The following EPC2 variants were observed in gnomAD, a reference collection of about 807,000 sequenced individuals.
EPC2 encodes enhancer of polycomb homolog 2.
In EPC2, 14 loss-of-function variants were observed where a neutral mutation model predicts 92.1. The ratio of observed to expected loss-of-function variants is 0.15; its 90% CI spans 0.10 to 0.24. The LOEUF is 0.24. EPC2 is among the 10% of genes least tolerant of loss of function. EPC2 has a pLI of 1.00. For missense variants in EPC2, 755 were observed against 971.5 expected (o/e 0.78, Z 2.96); for synonymous variants, 340 against 334.7 (o/e 1.02, Z -0.17).
At chr2:148,695,648 A>G (rs1681732302) in intron 2 of EPC2, among the ~76,000 whole-genome samples, 1 of 152,220 alleles carries the variant, frequency 6.6e-6, no homozygotes, top group Non-Finnish European at 1.5e-5. Context: ...CAGGGCAAAC[A>G]TATTTTGATT....
chr2:148,717,836 C>A (rs1256747219), intron 2 of EPC2, among the ~76,000 whole-genome samples: 1 of 152,078 alleles, frequency 6.6e-6, no homozygotes, highest in East Asian at 1.9e-4. Flanking sequence ...CTAATATTGT[C>A]AGTAGGGGTG....
chr2:148,694,816 G>GT (rs1400400147), intron 2 of EPC2, among the ~76,000 whole-genome samples: 3 of 152,324 alleles, frequency 2.0e-5, no homozygotes. Flanking sequence ...CCAGGCTGGA[G>GT]TGCAGTGGTG....
chr2:148,677,064 A>G (rs1251168369), intron 1 of EPC2, among the ~76,000 whole-genome samples: 1 of 152,234 alleles, frequency 6.6e-6, no homozygotes, highest in Admixed American at 6.5e-5. Flanking sequence ...TTCCCCAAAA[A>G]AGACAAACCA....
At chr2:148,732,268 A>G (rs953496333) in intron 2 of EPC2, among the ~76,000 whole-genome samples, 6 of 152,178 alleles carry the variant, frequency 3.9e-5, no homozygotes, top group African/African-American at 1.4e-4. Context: ...GGTCTTGCAC[A>G]GCTCTTAGCT....
chr2:148,755,899 T>C (rs1409324144), intron 4 of EPC2, among the ~76,000 whole-genome samples: 1 of 152,162 alleles, frequency 6.6e-6, no homozygotes, highest in Non-Finnish European at 1.5e-5. Flanking sequence ...ACCTCTCAGA[T>C]CTTATCTGTG....
At chr2:148,647,821 CG>C (rs1319494147) in intron 1 of EPC2, among the ~76,000 whole-genome samples, 1 of 151,668 alleles carries the variant, frequency 6.6e-6, no homozygotes, top group African/African-American at 2.4e-5. Context: ...TTAGTAGAGA[CG>C]AGGTTTCACC....
intron 7 of EPC2, among the ~76,000 whole-genome samples, chr2:148,766,506 C>G (rs879910032): frequency 6.6e-6 from 1 of 152,130 alleles, no homozygotes; most frequent in Admixed American, 6.5e-5. Context: ...TCTAGTTTGA[C>G]TCAGGCAGAG....
In EPC2 at chr2:148,774,961, C is replaced by T. The variant is rs377541731; in HGVS notation, c.1720+3574C>T. Among the ~76,000 whole-genome samples the T allele has an allele frequency of 5.1e-3, 770 of 151,346 alleles. 11 individuals are homozygous for T. Among genetic ancestry groups the T allele is most frequent in the South Asian group, 0.042 (200 of 4,770 alleles). On this transcript the variant is annotated intron_variant, in intron 10 of 13. Coordinates refer to ENST00000258484, the MANE Select transcript of EPC2 (RefSeq NM_015630.4). The stretch of plus-strand genomic sequence containing the variant: ...AAAATTAGCCAGGCGTGGTGGTGGG[C>T]GCCTGTAGTCCCAGCTACTGGGGAG...
chr2:148,758,417 ATGGAGTCTCAC>A (rs1025881665), intron 4 of EPC2, among the ~76,000 whole-genome samples: 29 of 152,196 alleles, frequency 1.9e-4, no homozygotes, highest in African/African-American at 7.0e-4. Context: ...ATTTTTTGAG[ATGGAGTCTCAC>A]TCTGTTGCCC....
At chr2:148,747,173 C>A (rs1045208505) in intron 3 of EPC2, among the ~76,000 whole-genome samples, 5 of 151,774 alleles carry the variant, frequency 3.3e-5, no homozygotes, top group Non-Finnish European at 5.9e-5. Flanking sequence ...TTCTATATAC[C>A]CTATTGACCT....
In EPC2 at chr2:148,753,888, A is replaced by G. The variant is rs754691584; in HGVS notation, c.460-39A>G. Reference sequence around the variant, plus strand: ...TAAGCTAACTTTTATTTCTTTTTGCAAACATTGTAGCCAATGACATTTTGT... The same window carrying G: ...TAAGCTAACTTTTATTTCTTTTTGCGAACATTGTAGCCAATGACATTTTGT... On this transcript the variant is annotated intron_variant, in intron 3 of 13. Coordinates refer to ENST00000258484, the MANE Select transcript of EPC2 (RefSeq NM_015630.4). The G allele has an allele frequency of 2.6e-6, 4 of 1,544,652 alleles. No homozygotes were observed. The African/African-American group carries it at 5.5e-5, about 21-fold the overall frequency.
intron 2 of EPC2, among the ~76,000 whole-genome samples, chr2:148,695,527 G>A (rs1280582686): frequency 6.6e-6 from 1 of 152,200 alleles, no homozygotes; most frequent in Non-Finnish European, 1.5e-5. Context: ...AGGTTTTTCA[G>A]CATGGTTAAA....
At chr2:148,735,772 A>T (rs900576996) in intron 2 of EPC2, among the ~76,000 whole-genome samples, 4 of 152,020 alleles carry the variant, frequency 2.6e-5, no homozygotes. Flanking sequence ...TAAAAGAAAA[A>T]CATCGTTTTC....
chr2:148,738,121 T>C (rs1231984257), intron 2 of EPC2, among the ~76,000 whole-genome samples: 2 of 147,010 alleles, frequency 1.4e-5, no homozygotes, highest in African/African-American at 4.9e-5. Context: ...TTATGCCATT[T>C]GAAACAACAA....
intron 2 of EPC2, among the ~76,000 whole-genome samples, chr2:148,695,860 A>G (rs1233851594): frequency 6.6e-6 from 1 of 152,272 alleles, no homozygotes; most frequent in Non-Finnish European, 1.5e-5. Flanking sequence ...AAACAATGCC[A>G]TGGGTACAGA....
At chr2:148,699,236 C>T (rs1047631362) in intron 2 of EPC2, among the ~76,000 whole-genome samples, 1 of 152,150 alleles carries the variant, frequency 6.6e-6, no homozygotes, top group Non-Finnish European at 1.5e-5. Context: ...ATGTGCTACC[C>T]CTACACACTT....
Position 148,761,805 on chromosome 2 carries a change from T to C in EPC2, c.690T>C (p.Ser230=). 1 of 1,555,678 alleles carries C rather than the reference T, an allele frequency of 6.4e-7. No individual in the cohort carries two copies. Among genetic ancestry groups the C allele is most frequent in the Non-Finnish European group, 8.7e-7 (1 of 1,153,016 alleles). ...TRKNRKNDEA[S]YEKMLKLRRE... Reference sequence around the variant, plus strand: ...AGAATCGTAAGAATGATGAAGCCTCTTATGAAAAGATGTTGAAACTGAGAC... The same window carrying C: ...AGAATCGTAAGAATGATGAAGCCTCCTATGAAAAGATGTTGAAACTGAGAC... Residue 230 remains serine, a synonymous_variant, in exon 5 of 14, where the codon TCT becomes TCC. Coordinates refer to ENST00000258484, the MANE Select transcript of EPC2 (RefSeq NM_015630.4).
chr2:148,763,080 G>A (rs891249750), intron 6 of EPC2, among the ~76,000 whole-genome samples: 7 of 152,038 alleles, frequency 4.6e-5, no homozygotes, highest in East Asian at 3.9e-4. Flanking sequence ...CTAATAGTCC[G>A]TCATGTTCAA....
rs182667961 is a variant in EPC2, at chr2:148,681,891, C to T, written c.154-8323C>T. ...CCCCTACCCCCTACCCGACAACAGG[C>T]CCCCGGGGTGTGATGTTCCCCACCT... On this transcript the variant is annotated intron_variant, in intron 1 of 13. Coordinates refer to ENST00000258484, the MANE Select transcript of EPC2 (RefSeq NM_015630.4). 9.2e-5 allele frequency among the ~76,000 whole-genome samples: 14 copies of T among 152,006 alleles called. No homozygotes were observed. In the East Asian group the frequency reaches 2.3e-3, roughly 25 times the overall value.
Sources: gnomAD v4.1 joint callset for allele counts (sites outside exome capture counted in the v4.1 genomes callset) on GRCh38, gnomAD v4.1.1 for gene constraint, MANE v1.5 for transcripts, NCBI Gene and HGNC (gene_info 2026-07-23, HGNC 2026-07-21) for gene names.